Variants in POLK observed in about 807,000 individuals in gnomAD.
The protein encoded by POLK is DNA polymerase kappa.
POLK carries 76 observed loss-of-function variants against 94.0 expected under a neutral mutation model. The observed-to-expected ratio is 0.81, with a 90% CI of 0.67 to 0.98. The LOEUF (loss-of-function observed/expected upper bound fraction) is 0.98, where lower values mean the gene tolerates loss of function less well. Among genes scored for constraint, POLK ranks in the 50% least tolerant of loss-of-function variants. POLK has a pLI of 0.00. For missense variants in POLK, 954 were observed against 1,010.1 expected (o/e 0.94, Z 0.75); for synonymous variants, 349 against 325.4 (o/e 1.07, Z -0.78).
At chr5:75,545,920 A>C (rs962990591) in intron 1 of POLK, among the ~76,000 whole-genome samples, 1 of 152,214 alleles carries the variant, frequency 6.6e-6, no homozygotes, top group Non-Finnish European at 1.5e-5. Flanking sequence ...AATAATATCT[A>C]TCTTTCAGGG....
At chr5:75,511,702 C>T (rs948877248), upstream of POLK, 2 of 1,543,628 alleles carry the variant, frequency 1.3e-6, no homozygotes, top group African/African-American at 1.4e-5. Flanking sequence ...GCCCCGTCCC[C>T]CTCCCGGCGT....
At chr5:75,562,562 G>C (rs1771044906) in intron 3 of POLK, among the ~76,000 whole-genome samples, 1 of 152,200 alleles carries the variant, frequency 6.6e-6, no homozygotes, top group Admixed American at 6.5e-5. Context: ...TAGGAGTGGT[G>C]AGAGAGGACA....
rs1771109779 is a variant in POLK, at chr5:75,563,632, A to C, written c.256-5708A>C. 2.6e-5 allele frequency among the ~76,000 whole-genome samples: 4 copies of C among 152,082 alleles called. No individual in the cohort carries two copies. The South Asian group carries it at 6.2e-4, about 24-fold the overall frequency. ...CTTATTGATTTCAAAGAACTTACTT[A>C]TTTCTGCCTTAATTTCATATTTATC... On this transcript the variant is annotated intron_variant, in intron 3 of 14. Transcript: ENST00000241436.
chr5:75,605,873 C>T (rs1024731984), downstream of POLK, among the ~76,000 whole-genome samples: 28 of 151,306 alleles, frequency 1.9e-4, 1 homozygote, highest in African/African-American at 6.1e-4. Flanking sequence ...GGGTGTTTCT[C>T]GTAAGGTGGG....
At chr5:75,513,718 A>G (rs1362719493) in intron 1 of POLK, among the ~76,000 whole-genome samples, 2 of 152,178 alleles carry the variant, frequency 1.3e-5, no homozygotes, top group Admixed American at 1.3e-4. Context: ...TTGGTATTTC[A>G]TAGGCTTCAC....
At position 75,570,269 on chromosome 5, in the gene POLK, A is replaced by T. The variant is rs143358950; in HGVS notation, c.408+777A>T. On this transcript the variant is annotated intron_variant, in intron 4 of 14. Transcript: ENST00000241436. ...CAAAGTTACAAACCTAATAATTTCC[A>T]TGGCAAATTAAATTTTTCCATAAGT... Among the ~76,000 whole-genome samples, 567 of 152,318 alleles carry T rather than the reference A, an allele frequency of 3.7e-3. 1 individual carries two copies. The highest frequency in any genetic ancestry group is 6.3e-3 in the Non-Finnish European group (431 of 68,014).
intron 1 of POLK, chr5:75,512,916 C>G (rs1346928897): frequency 6.6e-6 from 1 of 152,366 alleles, no homozygotes; most frequent in East Asian, 1.9e-4. Flanking sequence ...TCACCTGAGG[C>G]CGGGAGTTTG....
exon 1 of POLK, chr5:75,511,896 C>A (rs918591683): frequency 2.8e-6 from 4 of 1,430,498 alleles, no homozygotes; most frequent in South Asian, 2.6e-5. Flanking sequence ...GAGTTGTAGT[C>A]GCGATCCTGA....
intron 2 of POLK, among the ~76,000 whole-genome samples, chr5:75,549,416 C>A (rs977993596): frequency 4.0e-5 from 6 of 151,798 alleles, no homozygotes; most frequent in African/African-American, 1.5e-4. Context: ...TTATAATAAG[C>A]CTTGATATCT....
chr5:75,562,459 A>C (rs558949557), intron 3 of POLK, among the ~76,000 whole-genome samples: 23 of 152,260 alleles, frequency 1.5e-4, no homozygotes, highest in Non-Finnish European at 2.9e-4. Context: ...CTGCAAACAG[A>C]GGTAATTTGA....
At chr5:75,600,175 CTT>C (rs1773265368) in exon 15 of POLK, 1 of 152,046 alleles carries the variant, frequency 6.6e-6, no homozygotes, top group Non-Finnish European at 1.5e-5. Context: ...GGACAAAAGA[CTT>C]TATATGGCAT....
chr5:75,591,146 G>C (rs1438663729), intron 11 of POLK, among the ~76,000 whole-genome samples: 1 of 152,152 alleles, frequency 6.6e-6, no homozygotes, highest in Non-Finnish European at 1.5e-5. Context: ...TACCAGAATA[G>C]CTAGAAGAGA....
intron 1 of POLK, among the ~76,000 whole-genome samples, chr5:75,527,630 C>A (rs758671385): frequency 4.6e-5 from 7 of 151,554 alleles, no homozygotes; most frequent in Non-Finnish European, 7.4e-5. Flanking sequence ...TTGGACTTTA[C>A]TGTTGACATA....
chr5:75,530,679 ATT>A (rs1385655821), intron 1 of POLK, among the ~76,000 whole-genome samples: 3 of 151,542 alleles, frequency 2.0e-5, no homozygotes, highest in African/African-American at 7.3e-5. Context: ...TAACTGATAT[ATT>A]GTTATTAATT....
intron 3 of POLK, among the ~76,000 whole-genome samples, chr5:75,568,191 T>G (rs1410945683): frequency 6.6e-6 from 1 of 152,240 alleles, no homozygotes; most frequent in Non-Finnish European, 1.5e-5. Flanking sequence ...TAATGTTTTA[T>G]TATGCAGCTA....
chr5:75,566,133 G>A (rs1160287537), intron 3 of POLK, among the ~76,000 whole-genome samples: 3 of 152,220 alleles, frequency 2.0e-5, no homozygotes, highest in Non-Finnish European at 4.4e-5. Flanking sequence ...GTTCCACCCA[G>A]TTCGAACTTC....
chr5:75,511,749 C>A, upstream of POLK: 1 of 1,551,012 alleles, frequency 6.4e-7, no homozygotes, highest in South Asian at 1.2e-5. Context: ...ATCCTCCTCC[C>A]GAACCCTACC....
chr5:75,582,223 C>T, intron 7 of POLK: 2 of 617,582 alleles, frequency 3.2e-6, no homozygotes, highest in Non-Finnish European at 4.1e-6. Context: ...ATGAGGCCAT[C>T]ACTGTCTCTT....
intron 5 of POLK, among the ~76,000 whole-genome samples, chr5:75,575,141 T>A (rs1303408201): frequency 6.6e-6 from 1 of 152,200 alleles, no homozygotes; most frequent in Non-Finnish European, 1.5e-5. Flanking sequence ...TGCCTATGGA[T>A]ACATAAATAT....
Sources: gnomAD v4.1 joint callset for allele counts (sites outside exome capture counted in the v4.1 genomes callset) on GRCh38, gnomAD v4.1.1 for gene constraint, MANE v1.5 for transcripts, NCBI Gene and HGNC (gene_info 2026-07-23, HGNC 2026-07-21) for gene names.